ANXA4: variants seen among roughly 807,000 people sequenced by gnomAD.
ANXA4 encodes annexin A4.
In ANXA4, 39 loss-of-function variants were observed where a neutral mutation model predicts 49.8. The ratio of observed to expected loss-of-function variants is 0.78; its 90% CI spans 0.61 to 1.02. The LOEUF is 1.02. Ranked by LOEUF, ANXA4 falls within the 50% of genes least tolerant of loss-of-function variation. The pLI is 0.00. For synonymous variants in ANXA4, 134 were observed against 152.5 expected (o/e 0.88, Z 0.89); for missense variants, 360 against 410.1 (o/e 0.88, Z 1.05).
At chr2:69,747,813 G>T (rs1559138259) in intron 1 of ANXA4, among the ~76,000 whole-genome samples, 2 of 152,040 alleles carry the variant, frequency 1.3e-5, no homozygotes, top group Non-Finnish European at 2.9e-5. Context: ...AGCCTCTAGA[G>T]TAGCTGGGAC....
At chr2:69,701,986 G>T (rs1678342715) in intron 2 of ANXA4, among the ~76,000 whole-genome samples, 2 of 151,936 alleles carry the variant, frequency 1.3e-5, no homozygotes, top group South Asian at 2.1e-4. Flanking sequence ...TTTGTACACA[G>T]ATCTTCTTGC....
At chr2:69,741,074 C>T (rs969881131), upstream of ANXA4, among the ~76,000 whole-genome samples, 3 of 152,138 alleles carry the variant, frequency 2.0e-5, no homozygotes, top group African/African-American at 7.2e-5. Context: ...AAAACCCGTG[C>T]TCTAAACCAT....
At chr2:69,801,158 G>A (rs1673176604) in intron 3 of ANXA4, among the ~76,000 whole-genome samples, 2 of 152,096 alleles carry the variant, frequency 1.3e-5, no homozygotes, top group Non-Finnish European at 1.5e-5. Context: ...CTTTCTTACT[G>A]TACACATGCT....
At chr2:69,702,291 G>A (rs1678354811) in intron 2 of ANXA4, among the ~76,000 whole-genome samples, 1 of 152,074 alleles carries the variant, frequency 6.6e-6, no homozygotes, top group Admixed American at 6.6e-5. Flanking sequence ...GGGATTACAG[G>A]TGTGAGCCAC....
intron 11 of ANXA4, among the ~76,000 whole-genome samples, 194 bp from the exon 12 acceptor site, chr2:69,820,505 G>A (rs941436456): frequency 1.3e-5 from 2 of 152,112 alleles, no homozygotes; most frequent in African/African-American, 4.8e-5. Context: ...TCAGAACATA[G>A]AGCATTGGAA....
chr2:69,771,507 C>T (rs1043563758), intron 1 of ANXA4, among the ~76,000 whole-genome samples: 1 of 152,196 alleles, frequency 6.6e-6, no homozygotes, highest in African/African-American at 2.4e-5. Context: ...GCTGATTTTA[C>T]TAGTCTAATG....
intron 1 of ANXA4, among the ~76,000 whole-genome samples, chr2:69,758,444 ACT>A (rs1248023042): frequency 6.6e-6 from 1 of 151,982 alleles, no homozygotes; most frequent in Non-Finnish European, 1.5e-5. Context: ...ACATAGGGAG[ACT>A]CTACCTCTGC....
At chr2:69,765,269 G>T (rs767764835) in intron 1 of ANXA4, among the ~76,000 whole-genome samples, 1 of 152,192 alleles carries the variant, frequency 6.6e-6, no homozygotes. Context: ...GGACCATATG[G>T]TAATTCTATT....
chr2:69,677,140 T>C (rs1244864447), intron 2 of ANXA4, among the ~76,000 whole-genome samples: 1 of 152,126 alleles, frequency 6.6e-6, no homozygotes, highest in African/African-American at 2.4e-5. Flanking sequence ...TGCATATAAT[T>C]AAAATTATTG....
chr2:69,652,329 T>C (rs1676283302), intron 1 of ANXA4, among the ~76,000 whole-genome samples: 1 of 152,188 alleles, frequency 6.6e-6, no homozygotes, highest in African/African-American at 2.4e-5. Flanking sequence ...GAGTGCTGTG[T>C]TTTCTTTTTA....
chr2:69,651,938 A>C lies in ANXA4; in HGVS notation n.482-1060A>C, dbSNP rs1055976536. ...TCAAGCAATCCTGCCTCAGCCTCCA[A>C]AAGTGCTGGGATTACAGGCGTAAAC... On this transcript the variant is annotated intron_variant and non_coding_transcript_variant, in intron 1 of 3. Coordinates refer to the ANXA4 transcript ENST00000418066. Among the ~76,000 whole-genome samples the C allele has an allele frequency of 4.0e-5, 6 of 151,506 alleles. No individual in the cohort carries two copies. In the East Asian group the frequency reaches 9.7e-4, roughly 24 times the overall value.
chr2:69,753,445 CT>C (rs1186396224), intron 1 of ANXA4, among the ~76,000 whole-genome samples: 1 of 152,196 alleles, frequency 6.6e-6, no homozygotes, highest in Non-Finnish European at 1.5e-5. Flanking sequence ...CCCCACGTGA[CT>C]TTTGTGTACT....
chr2:69,647,607 C>T (rs1188475032), intron 1 of ANXA4, among the ~76,000 whole-genome samples: 2 of 151,990 alleles, frequency 1.3e-5, no homozygotes, highest in African/African-American at 2.4e-5. Flanking sequence ...CAGGGTTTCA[C>T]CATGTTGCCC....
intron 1 of ANXA4, among the ~76,000 whole-genome samples, chr2:69,752,517 C>T (rs1358841828): frequency 6.6e-6 from 1 of 152,240 alleles, no homozygotes. Context: ...TCGACATGGT[C>T]TCCTTCCCTG....
intron 2 of ANXA4, among the ~76,000 whole-genome samples, chr2:69,677,641 A>G (rs2105352372): frequency 6.6e-6 from 1 of 152,280 alleles, no homozygotes; most frequent in African/African-American, 2.4e-5. Context: ...AGAACACGAT[A>G]CCCTAATGGA....
chr2:69,740,382 A>G (rs1436864257), upstream of ANXA4, among the ~76,000 whole-genome samples: 1 of 152,226 alleles, frequency 6.6e-6, no homozygotes, highest in East Asian at 1.9e-4. Context: ...AATCTTGCTT[A>G]AGAAATGAAT....
At chr2:69,825,378 A>G in intron 12 of ANXA4, 78 bp from the exon 13 acceptor site, 1 of 1,224,086 alleles carries the variant, frequency 8.2e-7, no homozygotes, top group Non-Finnish European at 1.2e-6. Context: ...CAAGCTTGAA[A>G]AAGTTGGCTT....
chr2:69,785,999 T>C (rs1404844371), intron 2 of ANXA4, among the ~76,000 whole-genome samples: 4 of 152,234 alleles, frequency 2.6e-5, no homozygotes, highest in African/African-American at 9.6e-5. Flanking sequence ...CAAATGCTGA[T>C]GCATCCCGAC....
chr2:69,713,747 A>C (rs1339284676), intron 2 of ANXA4: 1 of 152,234 alleles, frequency 6.6e-6, no homozygotes, highest in African/African-American at 2.4e-5. Flanking sequence ...GCTGCCCTGA[A>C]GGCATCACCG....
Sources: gnomAD v4.1 joint callset for allele counts (sites outside exome capture counted in the v4.1 genomes callset) on GRCh38, gnomAD v4.1.1 for gene constraint, MANE v1.5 for transcripts, NCBI Gene and HGNC (gene_info 2026-07-23, HGNC 2026-07-21) for gene names.